Variants in ZNF14 observed in about 807,000 individuals in gnomAD.
The protein encoded by ZNF14 is gonadotropin inducible transcription repressor-4.
A neutral mutation model predicts 11.3 loss-of-function variants in ZNF14; 9 were observed. The ratio of observed to expected loss-of-function variants is 0.80; its 90% confidence interval spans 0.48 to 1.39. The LOEUF (loss-of-function observed/expected upper bound fraction) is 1.39. Ranked by LOEUF, ZNF14 falls within the 40% of genes most tolerant of loss-of-function variation. The pLI, the probability that ZNF14 is intolerant of heterozygous loss-of-function variation, is 0.00. For synonymous variants in ZNF14, 239 were observed against 245.7 expected (o/e 0.97, Z 0.25); for missense variants, 711 against 763.9 (o/e 0.93, Z 0.82).
intron 1 of ZNF14, among the ~76,000 whole-genome samples, chr19:19,729,652 C>G (rs985064624): frequency 4.6e-5 from 7 of 152,078 alleles, no homozygotes; most frequent in African/African-American, 1.4e-4. Context: ...GCTAAAACAA[C>G]AGAAGATTAT....
chr19:19,717,640 T>A (rs1404721542), intron 1 of ZNF14, among the ~76,000 whole-genome samples: 2 of 152,200 alleles, frequency 1.3e-5, no homozygotes, highest in Non-Finnish European at 2.9e-5. Flanking sequence ...CCTTTCACCC[T>A]TCTCACTTGT....
At chr19:19,732,743 C>A (rs112593226) in intron 1 of ZNF14, among the ~76,000 whole-genome samples, 5 of 152,218 alleles carry the variant, frequency 3.3e-5, no homozygotes, top group African/African-American at 1.2e-4. Flanking sequence ...GGCTCCAGGA[C>A]CGGGGGCCGA....
intron 1 of ZNF14, among the ~76,000 whole-genome samples, chr19:19,725,460 G>A (rs2062404060): frequency 7.5e-6 from 1 of 134,070 alleles, no homozygotes; most frequent in African/African-American, 2.8e-5. Context: ...TTAGTCTGAT[G>A]GGCTTCCCTC....
At position 19,733,036 on chromosome 19, in the gene ZNF14, C is replaced by A; in HGVS notation, c.-78G>T. 9 of 1,573,062 alleles carry A rather than the reference C, an allele frequency of 5.7e-6. No individual in the cohort carries two copies. Among genetic ancestry groups the A allele is most frequent in the Non-Finnish European group, 7.8e-6 (9 of 1,154,148 alleles). The stretch of plus-strand genomic sequence containing the variant: ...GCAGGTCACGGCGCGACAAAGGATG[C>A]GCTAGAGCCACCTTCGGCCTTCAGG... On this transcript the variant is annotated 5_prime_UTR_variant, in exon 1 of 4. Transcript: ENST00000344099.
intron 1 of ZNF14, among the ~76,000 whole-genome samples, chr19:19,731,534 C>T (rs1189275414): frequency 6.6e-6 from 1 of 151,992 alleles, no homozygotes; most frequent in Non-Finnish European, 1.5e-5. Context: ...TGTGATCATG[C>T]CGTTGCACTC....
At position 19,710,582 on chromosome 19, in the gene ZNF14, C is replaced by T. The variant is rs1432274055; in HGVS notation, c.*770G>A. 6.6e-6 allele frequency: 1 copy of T among 152,154 alleles called. No homozygotes were observed. Among genetic ancestry groups the T allele is most frequent in the African/African-American group, 2.4e-5 (1 of 41,416 alleles). 9.4% of individuals were successfully genotyped at this position (152,154 alleles called of 1,614,324 possible). On this transcript the variant is annotated 3_prime_UTR_variant, in exon 4 of 4. Transcript: ENST00000344099. Reference sequence around the variant, plus strand: ...AATATTTTTGTATCATCAACAACAACAAAAGAACTAGGATGAAGAATTTCC... The same window carrying T: ...AATATTTTTGTATCATCAACAACAATAAAAGAACTAGGATGAAGAATTTCC...
At chr19:19,717,187 T>C (rs896173545) in intron 1 of ZNF14, among the ~76,000 whole-genome samples, 3 of 152,124 alleles carry the variant, frequency 2.0e-5, no homozygotes, top group Non-Finnish European at 4.4e-5. Flanking sequence ...ACTACAAATC[T>C]GGAGTTCCCA....
At position 19,727,932 on chromosome 19, in the gene ZNF14, C is replaced by T. The variant is rs1441414514; in HGVS notation, c.3+5024G>A. Among the ~76,000 whole-genome samples the T allele has an allele frequency of 1.5e-5, 2 of 133,712 alleles. 1 individual carries two copies. The highest frequency in any genetic ancestry group is 3.3e-5 in the Non-Finnish European group (2 of 60,198). 87.7% of individuals were successfully genotyped at this position (133,712 alleles called of 152,430 possible). A position where few individuals can be genotyped will look rare whatever the true frequency, so the allele number is the denominator to read the frequency against. ...ACAGATCATTACCCAGCCTGGCCAT[C>T]ATGGTGAAACTCCGTCTCTACTAAA... On this transcript the variant is annotated intron_variant, in intron 1 of 3. Transcript: ENST00000344099.
Position 19,711,447 on chromosome 19 carries a change from C to T in ZNF14, c.1834G>A (p.Glu612Lys). ...VRIHERSHTG[E>K]KPYECKQCGK... ...CATTGTTTGCATTCATAAGGTTTCT[C>T]TCCAGTGTGAGACCTTTCATGAATT... The change falls in exon 4 of 4, where the codon GAG (glutamate) becomes AAG (lysine). Residue 612 changes from glutamate (E) to lysine (K), a missense_variant. Coordinates refer to ENST00000344099, the MANE Select transcript of ZNF14 (RefSeq NM_021030.3). The T allele has an allele frequency of 6.2e-7, 1 of 1,612,462 alleles. No individual in the cohort carries two copies. Among genetic ancestry groups the T allele is most frequent in the Non-Finnish European group, 8.5e-7 (1 of 1,179,470 alleles).
rs2062411898 is a variant in ZNF14 at position 19,728,326 on chromosome 19, G to A, written c.3+4630C>T. On this transcript the variant is annotated intron_variant, in intron 1 of 3. Coordinates refer to ENST00000344099, the MANE Select transcript of ZNF14 (RefSeq NM_021030.3). ...AGGTCAGGAGTTCAAGACCAGCCTG[G>A]CCAACATGGTGAAATCCCGACTCTA... is the stretch of plus-strand genomic sequence containing the variant. 1.6e-5 allele frequency among the ~76,000 whole-genome samples: 2 copies of A among 128,410 alleles called. 1 individual carries two copies. Among genetic ancestry groups the A allele is most frequent in the African/African-American group, 5.8e-5 (2 of 34,356 alleles). 84.2% of individuals were successfully genotyped at this position (128,410 alleles called of 152,430 possible). A position where few individuals can be genotyped will look rare whatever the true frequency, so the allele number is the denominator to read the frequency against.
At position 19,733,030 on chromosome 19, in the gene ZNF14, A is replaced by C. The variant is rs2145110152; in HGVS notation, c.-72T>G. The C allele has an allele frequency of 9.5e-6, 15 of 1,585,588 alleles. No homozygotes were observed. The East Asian group carries it at 2.7e-4, about 29-fold the overall frequency. The stretch of plus-strand genomic sequence containing the variant: ...GTACCTGCAGGTCACGGCGCGACAA[A>C]GGATGCGCTAGAGCCACCTTCGGCC... On this transcript the variant is annotated 5_prime_UTR_variant, in exon 1 of 4. Transcript: ENST00000344099.
At chr19:19,719,337 T>C (rs1367100577) in intron 1 of ZNF14, among the ~76,000 whole-genome samples, 1 of 152,246 alleles carries the variant, frequency 6.6e-6, no homozygotes, top group Non-Finnish European at 1.5e-5. Flanking sequence ...ACAATCTCTT[T>C]TTTGTAATCT....
At chr19:19,728,149 CA>C (rs1341749272) in intron 1 of ZNF14, among the ~76,000 whole-genome samples, 1 of 132,086 alleles carries the variant, frequency 7.6e-6, no homozygotes, top group Admixed American at 7.4e-5. Flanking sequence ...CAAAAAAACA[CA>C]ACAACAAAAC....
rs1005798576 is a variant in ZNF14, at chr19:19,723,796, C to T, written c.3+9160G>A. Among the ~76,000 whole-genome samples, 19 of 133,216 alleles carry T rather than the reference C, an allele frequency of 1.4e-4. 4 individuals are homozygous for T. Among genetic ancestry groups the T allele is most frequent in the Non-Finnish European group, 2.5e-4 (15 of 60,098 alleles). The allele number at this position is 133,216 out of a possible 152,430, so 87.4% of individuals were successfully genotyped here. Reference sequence around the variant, plus strand: ...GGTCTATTCAGGGATTCAACTTCTTCCTGGTTTAGTCTTGGGAGGGTGTAT... The same window carrying T: ...GGTCTATTCAGGGATTCAACTTCTTTCTGGTTTAGTCTTGGGAGGGTGTAT... On this transcript the variant is annotated intron_variant, in intron 1 of 3. Transcript: ENST00000344099.
chr19:19,729,011 C>T (rs2062415347), intron 1 of ZNF14, among the ~76,000 whole-genome samples: 1 of 152,170 alleles, frequency 6.6e-6, no homozygotes, highest in Non-Finnish European at 1.5e-5. Flanking sequence ...GAGTCTTGCT[C>T]TGTTGCCCAG....
chr19:19,730,979 G>A (rs558008651), intron 1 of ZNF14, among the ~76,000 whole-genome samples: 2 of 152,092 alleles, frequency 1.3e-5, no homozygotes, highest in Admixed American at 6.6e-5. Flanking sequence ...CAAAACACTG[G>A]CATAAAGCAG....
intron 1 of ZNF14, among the ~76,000 whole-genome samples, chr19:19,729,976 A>T (rs899753648): frequency 1.3e-5 from 2 of 152,214 alleles, no homozygotes; most frequent in Admixed American, 1.3e-4. Context: ...AATTCAACAC[A>T]TACTAAATTC....
chr19:19,730,711 G>A (rs1455507604), intron 1 of ZNF14, among the ~76,000 whole-genome samples: 1 of 151,970 alleles, frequency 6.6e-6, no homozygotes, highest in Non-Finnish European at 1.5e-5. Context: ...TTGGGAGTTC[G>A]AGACCAGCTT....
intron 1 of ZNF14, among the ~76,000 whole-genome samples, chr19:19,718,921 T>C (rs1029991308): frequency 2.6e-5 from 4 of 152,062 alleles, no homozygotes; most frequent in Non-Finnish European, 5.9e-5. Flanking sequence ...CGCACCACCA[T>C]GTCCAGCTAA....
Sources: gnomAD v4.1 joint callset for allele counts (sites outside exome capture counted in the v4.1 genomes callset) on GRCh38, gnomAD v4.1.1 for gene constraint, MANE v1.5 for transcripts, NCBI Gene and HGNC (gene_info 2026-07-23, HGNC 2026-07-21) for gene names.